Variants in DDX52 observed in about 807,000 individuals in gnomAD.
DDX52 encodes DExD-box helicase 52, also known as probable ATP-dependent RNA helicase DDX52.
In DDX52, 59 loss-of-function variants were observed where a neutral mutation model predicts 76.1. The observed-to-expected ratio is 0.78, with a 90% CI of 0.63 to 0.96. The LOEUF is 0.96. Ranked by LOEUF, DDX52 falls within the 40% of genes least tolerant of loss-of-function variation. The pLI, the probability that DDX52 is intolerant of heterozygous loss-of-function variation, is 0.00. For synonymous variants in DDX52, 231 were observed against 244.1 expected (o/e 0.95, Z 0.50); for missense variants, 707 against 703.9 (o/e 1.00, Z -0.05).
chr17:37,621,586 T>C (rs2147341958), intron 9 of DDX52, 66 bp from the exon 10 acceptor site: 1 of 1,526,780 alleles, frequency 6.5e-7, no homozygotes, highest in Non-Finnish European at 8.8e-7. Flanking sequence ...TATTTCATAA[T>C]TTGATTGTAG....
chr17:37,639,011 G>A (rs892584352), intron 2 of DDX52, among the ~76,000 whole-genome samples: 5 of 151,970 alleles, frequency 3.3e-5, no homozygotes. Flanking sequence ...ACCTCAAGTG[G>A]TCAGCCCGCC....
At chr17:37,633,667 A>G (rs1391638664) in intron 2 of DDX52, among the ~76,000 whole-genome samples, 1 of 151,814 alleles carries the variant, frequency 6.6e-6, no homozygotes, top group Non-Finnish European at 1.5e-5. Context: ...AAAAAAAAAA[A>G]AAAGAAAAAA....
intron 2 of DDX52, among the ~76,000 whole-genome samples, chr17:37,641,740 A>G (rs1460633457): frequency 6.6e-6 from 1 of 152,124 alleles, no homozygotes; most frequent in East Asian, 1.9e-4. Flanking sequence ...TGTCTCAAAA[A>G]AAAAAAGTTT....
At chr17:37,618,198 C>A in intron 14 of DDX52, 94 bp downstream of exon 14, 1 of 876,094 alleles carries the variant, frequency 1.1e-6, no homozygotes, top group South Asian at 1.6e-5. Flanking sequence ...ACTGTAGTAT[C>A]AATTCTACTT....
chr17:37,622,295 T>C (rs1235836727), intron 9 of DDX52, among the ~76,000 whole-genome samples: 1 of 145,796 alleles, frequency 6.9e-6, no homozygotes, highest in Non-Finnish European at 1.5e-5. Context: ...CTTAGCCTTT[T>C]TTTTTCTTTT....
In DDX52 at chr17:37,619,763, T is replaced by C. The variant is rs1292897661; in HGVS notation, c.1649+5A>G. The C allele has an allele frequency of 1.9e-6, 3 of 1,611,566 alleles. No individual in the cohort carries two copies. In the East Asian group the frequency reaches 6.7e-5, roughly 36 times the overall value. On this transcript the variant is annotated splice_donor_5th_base_variant and intron_variant, in intron 13 of 14. Coordinates refer to ENST00000617633, the MANE Select transcript of DDX52 (RefSeq NM_007010.5). The stretch of plus-strand genomic sequence containing the variant: ...ACAAAGATACAGGTAAATTCAAGAT[T>C]GTACCTTAGTAGTTTCTGAAAACCT...
At chr17:37,618,885 G>A (rs935655686) in intron 13 of DDX52, among the ~76,000 whole-genome samples, 4 of 152,078 alleles carry the variant, frequency 2.6e-5, no homozygotes, top group African/African-American at 9.7e-5. Flanking sequence ...TAACTCAAAG[G>A]GATGATAAAT....
intron 13 of DDX52, 53 bp downstream of exon 13, chr17:37,619,715 A>G: frequency 6.7e-7 from 1 of 1,492,692 alleles, no homozygotes; most frequent in Non-Finnish European, 9.1e-7. Flanking sequence ...AAAAAAAAAA[A>G]GAATGTATAT....
At chr17:37,643,239 G>A (rs1219343055) in intron 1 of DDX52, 95 bp downstream of exon 1, 12 of 1,336,446 alleles carry the variant, frequency 9.0e-6, no homozygotes, top group South Asian at 1.3e-5. Context: ...CAGGCCACGG[G>A]TGTCCAAGTG....
chr17:37,611,890 G>C lies in DDX52; in HGVS notation c.*2406C>G, dbSNP rs1025747377. ...GTTTGAGGATCACTTGAGTCTAAGAGGTCAAGGCTGCAGTGGGCCATGATT... is the reference window on the plus strand; with the variant it reads ...GTTTGAGGATCACTTGAGTCTAAGACGTCAAGGCTGCAGTGGGCCATGATT... On this transcript the variant is annotated 3_prime_UTR_variant, in exon 15 of 15. Coordinates refer to ENST00000617633, the MANE Select transcript of DDX52 (RefSeq NM_007010.5). The C allele has an allele frequency of 4.0e-5, 6 of 150,080 alleles. No individual in the cohort carries two copies. The highest frequency in any genetic ancestry group is 2.7e-4 in the Admixed American group (4 of 15,038). The allele number at this position is 150,080 out of a possible 1,614,324, so 9.3% of individuals were successfully genotyped here. A position where few individuals can be genotyped will look rare whatever the true frequency, so the allele number is the denominator to read the frequency against.
intron 5 of DDX52, among the ~76,000 whole-genome samples, 173 bp from the exon 6 acceptor site, chr17:37,628,845 A>G (rs1009214081): frequency 2.6e-5 from 4 of 152,214 alleles, no homozygotes; most frequent in African/African-American, 7.2e-5. Context: ...TCAATGCCTA[A>G]TAAGATTCAA....
At chr17:37,625,008 G>GT (rs1222243755) in intron 8 of DDX52, among the ~76,000 whole-genome samples, 11 of 150,344 alleles carry the variant, frequency 7.3e-5, no homozygotes, top group African/African-American at 1.9e-4. Context: ...CTGCTTTCCT[G>GT]TTTTTTTTGT....
intron 2 of DDX52, among the ~76,000 whole-genome samples, chr17:37,639,994 CA>C (rs2031113980): frequency 6.6e-6 from 1 of 152,216 alleles, no homozygotes; most frequent in Non-Finnish European, 1.5e-5. Context: ...TAAATGCCCA[CA>C]CAGTAACATG....
At chr17:37,628,308 A>G (rs1264631282) in intron 6 of DDX52, among the ~76,000 whole-genome samples, 1 of 152,144 alleles carries the variant, frequency 6.6e-6, no homozygotes, top group Non-Finnish European at 1.5e-5. Flanking sequence ...ACAACTACAA[A>G]TGTCTCCAAA....
At chr17:37,616,296 C>T (rs1408182076) in intron 14 of DDX52, among the ~76,000 whole-genome samples, 1 of 152,156 alleles carries the variant, frequency 6.6e-6, no homozygotes, top group Non-Finnish European at 1.5e-5. Flanking sequence ...ACAAGGTTCG[C>T]TACCAATCCA....
At chr17:37,616,638 G>C (rs556773233) in intron 14 of DDX52, among the ~76,000 whole-genome samples, 2 of 150,490 alleles carry the variant, frequency 1.3e-5, no homozygotes, top group East Asian at 3.9e-4. Context: ...CTGGGCGACA[G>C]GGTGGCAGAG....
At chr17:37,633,101 T>C (rs1057016079) in intron 3 of DDX52, among the ~76,000 whole-genome samples, 187 bp downstream of exon 3, 3 of 152,256 alleles carry the variant, frequency 2.0e-5, no homozygotes, top group Non-Finnish European at 4.4e-5. Context: ...AACTTTAAAA[T>C]GTTCACCCAC....
At chr17:37,630,859 C>T (rs1386328959) in intron 4 of DDX52, 2 of 152,216 alleles carry the variant, frequency 1.3e-5, no homozygotes, top group Non-Finnish European at 2.9e-5. Context: ...CCAGGCTGGT[C>T]TTGAACTCCT....
chr17:37,626,552 G>GA lies in DDX52; in HGVS notation c.932+235dup, dbSNP rs1246090272. 3.9e-5 allele frequency among the ~76,000 whole-genome samples: 6 copies of GA among 152,240 alleles called. No individual in the cohort carries two copies. The East Asian group carries it at 9.7e-4, about 25-fold the overall frequency. On this transcript the variant is annotated intron_variant, in intron 7 of 14. Coordinates refer to ENST00000617633, the MANE Select transcript of DDX52 (RefSeq NM_007010.5). ...GCATGAAAACGGACTAACACAGCAG[G>GA]AAAAAGGTAAAAGGAAGATAAACAT...
Sources: allele counts gnomAD v4.1 joint callset (sites outside exome capture counted in the v4.1 genomes callset), GRCh38; gene constraint gnomAD v4.1.1; transcripts MANE v1.5; gene names NCBI Gene and HGNC (gene_info 2026-07-23, HGNC 2026-07-21).